The following ADAMTS20 variants were observed in gnomAD, a reference collection of about 807,000 sequenced individuals.
ADAMTS20 encodes ADAM metallopeptidase with thrombospondin type 1 motif 20, also known as A disintegrin and metalloproteinase with thrombospondin motifs 20.
ADAMTS20 carries 225 observed loss-of-function variants against 260.1 expected under a neutral mutation model. The ratio of observed to expected loss-of-function variants is 0.87; its 90% CI spans 0.78 to 0.97. ADAMTS20 has a LOEUF of 0.97. ADAMTS20 is among the 50% of genes least tolerant of loss of function. The pLI, the probability that ADAMTS20 is intolerant of heterozygous loss-of-function variation, is 0.00. For missense variants in ADAMTS20, 2,400 were observed against 2,337.7 expected, an observed-to-expected ratio of 1.03 and a Z score of -0.55; for synonymous variants, 802 against 769.5, an observed-to-expected ratio of 1.04 and a Z score of -0.70.
chr12:43,408,808 T>A (rs1467532220), intron 28 of ADAMTS20, among the ~76,000 whole-genome samples: 1 of 152,212 alleles, frequency 6.6e-6, no homozygotes, highest in East Asian at 1.9e-4. Context: ...TGGGGTTTCA[T>A]CATTTTCACT....
chr12:43,440,784 T>C (rs955320781), intron 16 of ADAMTS20, among the ~76,000 whole-genome samples: 2 of 152,118 alleles, frequency 1.3e-5, no homozygotes, highest in African/African-American at 4.8e-5. Context: ...TTTATGCTTA[T>C]CTTAGAAAAA....
intron 7 of ADAMTS20, 100 bp from the exon 8 acceptor site, chr12:43,468,805 G>T: frequency 1.5e-6 from 1 of 654,708 alleles, no homozygotes; most frequent in African/African-American, 1.8e-5. Context: ...TTATTACTTA[G>T]AAAAGAATGC....
Position 43,551,964 on chromosome 12 carries a change from C to A in ADAMTS20, c.-43G>T, listed in dbSNP as rs748122172. The A allele has an allele frequency of 1.3e-6, 2 of 1,565,502 alleles. No individual in the cohort carries two copies. Among genetic ancestry groups the A allele is most frequent in the South Asian group, 2.2e-5 (2 of 90,190 alleles). On this transcript the variant is annotated 5_prime_UTR_variant, in exon 1 of 39. Transcript: ENST00000389420. The surrounding 1 kb of genome is among the most constrained non-coding windows in gnomAD (Gnocchi z 4.6). Reference sequence around the variant, plus strand: ...CCCGATCGGGGAGGCCCACCAGAGCCGCCGGCAGCCAAGCCGGCTTCCCTC... The same window carrying A: ...CCCGATCGGGGAGGCCCACCAGAGCAGCCGGCAGCCAAGCCGGCTTCCCTC...
chr12:43,413,019 C>G (rs1465399261), intron 28 of ADAMTS20, among the ~76,000 whole-genome samples: 2 of 151,826 alleles, frequency 1.3e-5, no homozygotes, highest in Non-Finnish European at 1.5e-5. Context: ...CCATGTTGGC[C>G]AAGAAGGTCT....
chr12:43,433,680 G>GCA (rs928256750), intron 19 of ADAMTS20: 109 of 318,456 alleles, frequency 3.4e-4, no homozygotes, highest in Middle Eastern at 1.1e-3. Flanking sequence ...GACCAATCAC[G>GCA]CACACACACA....
intron 3 of ADAMTS20, among the ~76,000 whole-genome samples, chr12:43,508,907 C>T (rs1175036490): frequency 1.3e-5 from 2 of 152,088 alleles, no homozygotes; most frequent in Non-Finnish European, 2.9e-5. Context: ...AGTTCTCCCT[C>T]CCCCAACCCT....
chr12:43,430,237 G>A, intron 23 of ADAMTS20, 115 bp downstream of exon 23: 2 of 1,229,712 alleles, frequency 1.6e-6, no homozygotes, highest in Non-Finnish European at 2.2e-6. Context: ...ACACATACAC[G>A]TGTTTAAGGC....
At chr12:43,404,973 C>G (rs7953653) in intron 28 of ADAMTS20, among the ~76,000 whole-genome samples, 34,290 of 151,804 alleles carry the variant, frequency 0.23, 4,645 homozygotes, top group African/African-American at 0.37. Context: ...TTGGCAATGA[C>G]TCTTTTGCTG....
chr12:43,400,054 T>C (rs896857266), intron 28 of ADAMTS20, among the ~76,000 whole-genome samples: 1 of 152,078 alleles, frequency 6.6e-6, no homozygotes, highest in Non-Finnish European at 1.5e-5. Context: ...AAACTTGTTA[T>C]GAAGATTAAC....
At chr12:43,427,837 G>T (rs1941362246) in intron 26 of ADAMTS20, among the ~76,000 whole-genome samples, 1 of 152,088 alleles carries the variant, frequency 6.6e-6, no homozygotes, top group Non-Finnish European at 1.5e-5. Flanking sequence ...TATTATGAAT[G>T]TTATGTAAAA....
intron 7 of ADAMTS20, among the ~76,000 whole-genome samples, chr12:43,489,935 G>C (rs1942576872): frequency 6.6e-6 from 1 of 151,974 alleles, no homozygotes; most frequent in Non-Finnish European, 1.5e-5. Flanking sequence ...AATAGTTTTT[G>C]TTTAGGAACA....
chr12:43,498,874 T>C (rs1241809915), intron 4 of ADAMTS20, among the ~76,000 whole-genome samples: 2 of 152,180 alleles, frequency 1.3e-5, no homozygotes, highest in South Asian at 4.1e-4. Context: ...TCACCCTTTC[T>C]CTTAAGTTCC....
chr12:43,439,778 A>T (rs560828262), intron 17 of ADAMTS20, 27 bp from the exon 18 acceptor site: 1 of 1,585,426 alleles, frequency 6.3e-7, no homozygotes, highest in African/African-American at 1.4e-5. Context: ...AAGAACATAC[A>T]ATTAATACAT....
Position 43,468,722 on chromosome 12 carries a change from T to C in ADAMTS20, c.1118-17A>G, listed in dbSNP as rs1185376737. 1 of 1,412,562 alleles carries C rather than the reference T, an allele frequency of 7.1e-7. No individual in the cohort carries two copies. Among genetic ancestry groups the C allele is most frequent in the East Asian group, 2.3e-5 (1 of 43,432 alleles). 87.5% of individuals were successfully genotyped at this position (1,412,562 alleles called of 1,614,324 possible). On this transcript the variant is annotated splice_polypyrimidine_tract_variant and intron_variant, in intron 7 of 38. Coordinates refer to ENST00000389420, the MANE Select transcript of ADAMTS20 (RefSeq NM_025003.5). ...ATGATAAACCTGAAAAATTTCACAT[T>C]TGTATTTCATCAAAATGGAAAACAC...
At chr12:43,470,258 T>C (rs1471369237) in intron 7 of ADAMTS20, among the ~76,000 whole-genome samples, 3 of 152,226 alleles carry the variant, frequency 2.0e-5, no homozygotes, top group Admixed American at 6.5e-5. Flanking sequence ...GTATTTTCAA[T>C]TTGCCAAATT....
At position 43,551,027 on chromosome 12, in the gene ADAMTS20, G is replaced by A. The variant is rs745485529; in HGVS notation, c.335C>T (p.Pro112Leu). ...AGYTEVHLGTPERGAWESDAG... is the reference protein window; with the variant it reads ...AGYTEVHLGTLERGAWESDAG... The stretch of plus-strand genomic sequence containing the variant: ...GTCGCTCTCCCAGGCCCCGCGCTCC[G>A]GGGTTCCCAAGTGCACCTCGGTGTA... Residue 112 changes from proline (P) to leucine (L), a missense_variant, in exon 2 of 39, where the codon CCG becomes CTG. Physicochemically the swap from Pro to Leu is moderately conservative, Grantham distance 98 (BLOSUM62 -3). Transcript: ENST00000389420. The surrounding 1 kb of genome is among the most constrained non-coding windows in gnomAD (Gnocchi z 4.6). The A allele has an allele frequency of 1.2e-6, 2 of 1,613,144 alleles. No homozygotes were observed. The highest frequency in any genetic ancestry group is 2.2e-5 in the East Asian group (1 of 44,844).
At chr12:43,426,700 T>A (rs1314436441) in intron 27 of ADAMTS20, among the ~76,000 whole-genome samples, 3 of 152,226 alleles carry the variant, frequency 2.0e-5, no homozygotes, top group African/African-American at 7.2e-5. Flanking sequence ...GTAATAGGAT[T>A]AAACATGTTT....
At chr12:43,530,702 G>A (rs1943209075) in intron 3 of ADAMTS20, among the ~76,000 whole-genome samples, 1 of 151,898 alleles carries the variant, frequency 6.6e-6, no homozygotes, top group African/African-American at 2.4e-5. Context: ...CCATCATATC[G>A]TTGCATGTCA....
chr12:43,471,979 G>A (rs1203668228), intron 7 of ADAMTS20, among the ~76,000 whole-genome samples: 15 of 151,358 alleles, frequency 9.9e-5, no homozygotes, highest in African/African-American at 3.7e-4. Flanking sequence ...GAACAAAGCT[G>A]GATGGAGAAT....
Sources: allele counts gnomAD v4.1 joint callset (sites outside exome capture counted in the v4.1 genomes callset), GRCh38; gene constraint gnomAD v4.1.1; non-coding constraint Gnocchi (gnomAD v3.1); transcripts MANE v1.5; gene names NCBI Gene and HGNC (gene_info 2026-07-23, HGNC 2026-07-21).